COX15: variants seen among roughly 807,000 people sequenced by gnomAD.
COX15 encodes heme A synthase COX15.
In COX15, 51 loss-of-function variants were observed where a neutral mutation model predicts 51.9. The observed-to-expected ratio is 0.98, with a 90% confidence interval of 0.78 to 1.24. COX15 has a LOEUF of 1.24. Ranked by LOEUF, COX15 falls within the 50% of genes most tolerant of loss-of-function variation. COX15 has a pLI of 0.00. For missense variants in COX15, 420 were observed against 501.1 expected, an observed-to-expected ratio of 0.84 and a Z score of 1.55; for synonymous variants, 188 against 190.5, an observed-to-expected ratio of 0.99 and a Z score of 0.11.
the COX15 span, chr10:99,698,668 G>C: frequency 3.1e-6 from 5 of 1,614,196 alleles, no homozygotes; most frequent in Non-Finnish European, 4.2e-6. Flanking sequence ...TGGGTGTCTT[G>C]TGGGGCAATG....
At chr10:99,727,750 AATTT>A (rs1331706097) in intron 2 of COX15, among the ~76,000 whole-genome samples, 187 bp from the exon 3 acceptor site, 1 of 152,066 alleles carries the variant, frequency 6.6e-6, no homozygotes, top group African/African-American at 2.4e-5. Context: ...ATCAGGTACA[AATTT>A]ATTTACCCTT....
chr10:99,713,290 AT>A lies in COX15; in HGVS notation c.*1296del. 5 of 1,556,340 alleles carry A rather than the reference AT, an allele frequency of 3.2e-6. No individual in the cohort carries two copies. The highest frequency in any genetic ancestry group is 4.4e-6 in the Non-Finnish European group (5 of 1,140,808). ...AGCCCAAACTTATACAACTTATTTA[AT>A]TTAAATGAGTATGTTACATTTCTAA... On this transcript the variant is annotated 3_prime_UTR_variant, in exon 9 of 9. Transcript: ENST00000016171.
rs1157003934 is a variant in COX15 at position 99,729,741 on chromosome 10, A to G, written c.91-7T>C. ...GGCGCCTGATGCAATCACACTAAAG[A>G]TCAAGATAGACAAATTACAACTGGA... On this transcript the variant is annotated splice_region_variant and splice_polypyrimidine_tract_variant and intron_variant, in intron 1 of 8. Transcript: ENST00000016171. 6.2e-7 allele frequency: 1 copy of G among 1,613,926 alleles called. No homozygotes were observed. The highest frequency in any genetic ancestry group is 8.5e-7 in the Non-Finnish European group (1 of 1,179,994).
chr10:99,731,658 T>C (rs1015025460), intron 1 of COX15, among the ~76,000 whole-genome samples: 1 of 152,240 alleles, frequency 6.6e-6, no homozygotes, highest in African/African-American at 2.4e-5. Context: ...GCTTTTACCA[T>C]GTGCTAAAGG....
intron 1 of COX15, among the ~76,000 whole-genome samples, 160 bp downstream of exon 1, chr10:99,731,800 T>C (rs1400889772): frequency 6.6e-6 from 1 of 152,214 alleles, no homozygotes; most frequent in Non-Finnish European, 1.5e-5. Context: ...AGCAGGTCAA[T>C]GTTCCAGATC....
chr10:99,721,822 TTAAATA>T (rs2036782859), intron 5 of COX15, among the ~76,000 whole-genome samples: 1 of 151,976 alleles, frequency 6.6e-6, no homozygotes, highest in Non-Finnish European at 1.5e-5. Context: ...TTAATTTTAT[TTAAATA>T]TAAAGTTTAA....
At chr10:99,710,252 T>C, downstream of COX15, 1 of 985,428 alleles carries the variant, frequency 1.0e-6, no homozygotes, top group Non-Finnish European at 1.2e-6. Context: ...GCTTCATAAA[T>C]GTTTTTCTGC....
At position 99,716,290 on chromosome 10, in the gene COX15, G is replaced by A. The variant is rs960395586; in HGVS notation, c.1101+58C>T. 15 of 1,234,418 alleles carry A rather than the reference G, an allele frequency of 1.2e-5. No individual in the cohort carries two copies. In the African/African-American group the frequency reaches 2.2e-4, roughly 18 times the overall value. The allele number at this position is 1,234,418 out of a possible 1,614,324, so 76.5% of individuals were successfully genotyped here. A position where few individuals can be genotyped will look rare whatever the true frequency, so the allele number is the denominator to read the frequency against. Reference sequence around the variant, plus strand: ...TTACAGCCATGAGCCACTGTGCCCGGCCCCTTTTTTAACTTTGTATTGGGG... The same window carrying A: ...TTACAGCCATGAGCCACTGTGCCCGACCCCTTTTTTAACTTTGTATTGGGG... On this transcript the variant is annotated intron_variant, in intron 8 of 8. Transcript: ENST00000016171.
At chr10:99,698,825 C>T in the COX15 span, 1 of 1,607,776 alleles carries the variant, frequency 6.2e-7, no homozygotes, top group South Asian at 1.1e-5. Context: ...TTGGTGGCCG[C>T]TACCATGGGC....
At chr10:99,696,997 C>T in the COX15 span, among the ~76,000 whole-genome samples, 1 of 152,234 alleles carries the variant, frequency 6.6e-6, no homozygotes, top group African/African-American at 2.4e-5. Flanking sequence ...AAACAACACA[C>T]TTACCTACGT....
At position 99,711,045 on chromosome 10, in the gene COX15, C is replaced by T; in HGVS notation, c.*3542G>A. ...TGTAATTATCCATTTTCCATTCATG[C>T]ATTCACTAATTCAATATTTGATATG... On this transcript the variant is annotated 3_prime_UTR_variant, in exon 9 of 9. Transcript: ENST00000016171. The T allele has an allele frequency of 1.0e-6, 1 of 985,132 alleles. No homozygotes were observed. Among genetic ancestry groups the T allele is most frequent in the Non-Finnish European group, 1.2e-6 (1 of 829,842 alleles). 61.0% of individuals were successfully genotyped at this position (985,132 alleles called of 1,614,324 possible).
the COX15 span, chr10:99,700,878 C>A: frequency 1.0e-6 from 1 of 998,692 alleles, no homozygotes; most frequent in Non-Finnish European, 1.6e-6. Flanking sequence ...TGGTAGCCCA[C>A]AAGTAACTTT....
chr10:99,732,100 T>G lies in COX15; in HGVS notation c.-51A>C. 1.3e-6 allele frequency: 2 copies of G among 1,586,240 alleles called. No homozygotes were observed. Among genetic ancestry groups the G allele is most frequent in the Non-Finnish European group, 1.7e-6 (2 of 1,165,842 alleles). On this transcript the variant is annotated 5_prime_UTR_variant, in exon 1 of 9. Transcript: ENST00000016171. ...TTCCACAACCCAGGGCTCTGTGGTC[T>G]CCCTCCTCCGCCAAGGAAAAGAGAA...
the COX15 span, chr10:99,695,930 CT>C: frequency 1.4e-3 from 2,157 of 1,572,108 alleles, 2 homozygotes; most frequent in Non-Finnish European, 1.7e-3. Context: ...CTAAAATTCC[CT>C]TTTTCTCTTG....
chr10:99,729,787 C>T (rs772028154), intron 1 of COX15, 53 bp from the exon 2 acceptor site: 18 of 1,576,452 alleles, frequency 1.1e-5, no homozygotes, highest in Non-Finnish European at 1.6e-5. Context: ...ATGGCTGCTA[C>T]CCACACTCAA....
chr10:99,708,689 GT>G, downstream of COX15: 2 of 397,364 alleles, frequency 5.0e-6, no homozygotes, highest in Non-Finnish European at 6.8e-6. Flanking sequence ...TGGGAACAGA[GT>G]TTCTAATAGT....
rs397514662 is a variant in COX15 at position 99,716,419 on chromosome 10, A to G, written c.1030T>C (p.Ser344Pro). 8 of 1,613,970 alleles carry G rather than the reference A, an allele frequency of 5.0e-6. No homozygotes were observed. The highest frequency in any genetic ancestry group is 6.8e-6 in the Non-Finnish European group (8 of 1,179,938). ...CTTCTAGGAAGGGGAATTCTCCGAG[A>G]GAGGAAGTAGAGCACTGTAATGGCA... is the stretch of plus-strand genomic sequence containing the variant. Reference protein sequence around the residue: ...VTAITVLYFLSRRIPLPRRTK... With the variant: ...VTAITVLYFLPRRIPLPRRTK... The change falls in exon 8 of 9, where the codon TCT (serine) becomes CCT (proline). Residue 344 changes from serine to proline, a missense_variant. Coordinates refer to ENST00000016171, the MANE Select transcript of COX15 (RefSeq NM_078470.6).
At chr10:99,726,426 GT>G (rs1270634931) in intron 4 of COX15, among the ~76,000 whole-genome samples, 2 of 152,136 alleles carry the variant, frequency 1.3e-5, no homozygotes, top group African/African-American at 4.8e-5. Flanking sequence ...ACTGTACATG[GT>G]GGCACTGTTA....
At chr10:99,698,974 C>A in the COX15 span, 1 of 976,496 alleles carries the variant, frequency 1.0e-6, no homozygotes, top group Non-Finnish European at 1.5e-6. Context: ...TTGTTCTTTG[C>A]AGGAGCCCTT....
Sources: allele counts gnomAD v4.1 joint callset (sites outside exome capture counted in the v4.1 genomes callset), GRCh38; gene constraint gnomAD v4.1.1; transcripts MANE v1.5; gene names NCBI Gene and HGNC (gene_info 2026-07-23, HGNC 2026-07-21).